The following RCAN2 variants were observed in gnomAD, a reference collection of about 807,000 sequenced individuals.
RCAN2 encodes calcipressin-2.
RCAN2 carries 9 observed loss-of-function variants against 23.6 expected under a neutral mutation model. The ratio of observed to expected loss-of-function variants is 0.38; its 90% CI spans 0.23 to 0.67. The LOEUF is 0.67. Among genes scored for constraint, RCAN2 ranks in the 30% least tolerant of loss-of-function variants. RCAN2 has a pLI of 0.51. For missense variants in RCAN2, 273 were observed against 302.3 expected (o/e 0.90, Z 0.72); for synonymous variants, 109 against 115.7 (o/e 0.94, Z 0.37).
intron 4 of RCAN2, among the ~76,000 whole-genome samples, chr6:46,232,153 C>T (rs1765914645): frequency 6.6e-6 from 1 of 152,266 alleles, no homozygotes; most frequent in South Asian, 2.1e-4. Context: ...CTTTGCTATC[C>T]TGCCCTGCGG....
chr6:46,286,560 G>C (rs1338685255), intron 2 of RCAN2, among the ~76,000 whole-genome samples: 1 of 152,158 alleles, frequency 6.6e-6, no homozygotes. Context: ...GTTTTGGCCA[G>C]AATAAAGATG....
At chr6:46,339,014 CAAAAAAA>C (rs3997300) in intron 2 of RCAN2, among the ~76,000 whole-genome samples, 8 of 47,092 alleles carry the variant, frequency 1.7e-4, no homozygotes, top group African/African-American at 2.7e-4. Context: ...GACCCTGTCT[CAAAAAAA>C]AAAAAAAAAA....
chr6:46,305,005 C>T (rs950220732), intron 2 of RCAN2, among the ~76,000 whole-genome samples: 2 of 152,106 alleles, frequency 1.3e-5, no homozygotes, highest in East Asian at 3.9e-4. Context: ...GCTTCTAGTG[C>T]ATCACTTCAT....
chr6:46,464,508 A>C (rs929125834), intron 1 of RCAN2, among the ~76,000 whole-genome samples: 9 of 152,280 alleles, frequency 5.9e-5, no homozygotes, highest in African/African-American at 2.2e-4. Flanking sequence ...ATTTTTGTCC[A>C]TCTTACAGGG....
intron 1 of RCAN2, among the ~76,000 whole-genome samples, chr6:46,464,595 G>C (rs1039509138): frequency 6.6e-6 from 1 of 152,110 alleles, no homozygotes. Flanking sequence ...GATATTCTTA[G>C]GCTATGCTCC....
intron 2 of RCAN2, among the ~76,000 whole-genome samples, chr6:46,266,845 G>A (rs1481486215): frequency 6.6e-6 from 1 of 152,152 alleles, no homozygotes; most frequent in Non-Finnish European, 1.5e-5. Context: ...AGCAGGGGAT[G>A]ACATGCTCAA....
At chr6:46,349,581 A>G (rs1213062397) in intron 2 of RCAN2, among the ~76,000 whole-genome samples, 1 of 133,574 alleles carries the variant, frequency 7.5e-6, no homozygotes, top group African/African-American at 3.4e-5. Flanking sequence ...GTAAAATTAG[A>G]AAAAAAAAAA....
At chr6:46,271,592 T>A (rs947994000) in intron 2 of RCAN2, among the ~76,000 whole-genome samples, 4 of 152,086 alleles carry the variant, frequency 2.6e-5, no homozygotes, top group Non-Finnish European at 4.4e-5. Flanking sequence ...CAGTACCTAA[T>A]CCCACCACAT....
intron 4 of RCAN2, among the ~76,000 whole-genome samples, chr6:46,232,595 C>T (rs775069657): frequency 4.6e-5 from 7 of 151,988 alleles, no homozygotes; most frequent in Non-Finnish European, 8.8e-5. Flanking sequence ...AGTTCAAGAC[C>T]AGCCTGGTCA....
At chr6:46,384,463 C>T (rs1035572272) in intron 2 of RCAN2, among the ~76,000 whole-genome samples, 3 of 152,156 alleles carry the variant, frequency 2.0e-5, no homozygotes, top group African/African-American at 7.2e-5. Context: ...ATCTCAAGTA[C>T]AACATAATTA....
At chr6:46,371,092 C>T (rs1765308525) in intron 2 of RCAN2, among the ~76,000 whole-genome samples, 1 of 152,140 alleles carries the variant, frequency 6.6e-6, no homozygotes, top group South Asian at 2.1e-4. Context: ...GGAGAGGACC[C>T]ATAGCTTTCA....
At chr6:46,422,988 C>G (rs1273954953) in intron 2 of RCAN2, among the ~76,000 whole-genome samples, 1 of 152,158 alleles carries the variant, frequency 6.6e-6, no homozygotes, top group Non-Finnish European at 1.5e-5. Context: ...TAGGACCAGA[C>G]AGACTTATCT....
At chr6:46,375,590 A>G (rs969520691) in intron 2 of RCAN2, among the ~76,000 whole-genome samples, 1 of 152,208 alleles carries the variant, frequency 6.6e-6, no homozygotes, top group Non-Finnish European at 1.5e-5. Flanking sequence ...TGCATCAGCC[A>G]ATTTGTCATT....
chr6:46,478,946 G>A (rs1317259230), intron 1 of RCAN2, among the ~76,000 whole-genome samples: 1 of 152,224 alleles, frequency 6.6e-6, no homozygotes, highest in African/African-American at 2.4e-5. Flanking sequence ...ACAACTGTGA[G>A]TTATCAGAAT....
intron 2 of RCAN2, among the ~76,000 whole-genome samples, chr6:46,385,783 G>A (rs1270090505): frequency 1.3e-5 from 2 of 150,406 alleles, no homozygotes; most frequent in Non-Finnish European, 3.0e-5. Flanking sequence ...TTTGAACCTG[G>A]GAGGCAGAAG....
At chr6:46,354,272 T>C (rs1485097382) in intron 2 of RCAN2, among the ~76,000 whole-genome samples, 1 of 148,748 alleles carries the variant, frequency 6.7e-6, no homozygotes, top group Non-Finnish European at 1.5e-5. Context: ...CCCTGACTCA[T>C]GGTTAGAAGA....
intron 2 of RCAN2, among the ~76,000 whole-genome samples, chr6:46,375,681 T>C (rs1226971357): frequency 2.6e-5 from 4 of 152,208 alleles, no homozygotes; most frequent in African/African-American, 9.7e-5. Context: ...GGAGTAAATA[T>C]TTTAGGCTTT....
At chr6:46,406,466 A>T (rs1455966029) in intron 2 of RCAN2, among the ~76,000 whole-genome samples, 1 of 152,192 alleles carries the variant, frequency 6.6e-6, no homozygotes, top group Non-Finnish European at 1.5e-5. Flanking sequence ...TTAGGGTTCA[A>T]ATGTGTTTAT....
chr6:46,416,759 C>T (rs894416400), intron 2 of RCAN2, among the ~76,000 whole-genome samples: 1 of 152,026 alleles, frequency 6.6e-6, no homozygotes, highest in Admixed American at 6.6e-5. Context: ...TGGGCTCAAG[C>T]GATCCGCCCA....
Sources: gnomAD v4.1 joint callset for allele counts (sites outside exome capture counted in the v4.1 genomes callset) on GRCh38, gnomAD v4.1.1 for gene constraint, MANE v1.5 for transcripts, NCBI Gene and HGNC (gene_info 2026-07-23, HGNC 2026-07-21) for gene names.